SLC44A3: variants seen among roughly 807,000 people sequenced by gnomAD.
The protein encoded by SLC44A3 is solute carrier family 44 member 3, also known as choline transporter-like protein 3.
Under a neutral mutation model 75.4 loss-of-function variants are expected in SLC44A3, and 74 were observed. The ratio of observed to expected loss-of-function variants is 0.98; its 90% CI spans 0.81 to 1.19. SLC44A3 has a LOEUF of 1.19. SLC44A3 is among the 50% of genes most tolerant of loss of function. SLC44A3 has a pLI of 0.00. For missense variants in SLC44A3, 700 were observed against 778.6 expected (o/e 0.90, Z 1.20); for synonymous variants, 310 against 296.9 (o/e 1.04, Z -0.45).
intron 6 of SLC44A3, chr1:94,839,169 T>C (rs1189318411): frequency 6.6e-6 from 1 of 152,220 alleles, no homozygotes; most frequent in Non-Finnish European, 1.5e-5. Context: ...TACATACAGC[T>C]TATTTCATGG....
At chr1:94,842,715 GCCCTGGGGCGGAC>G (rs148603437) in intron 8 of SLC44A3, among the ~76,000 whole-genome samples, 3,764 of 152,278 alleles carry the variant, frequency 0.025, 179 homozygotes, top group African/African-American at 0.087. Flanking sequence ...AAATCACAAG[GCCCTGGGGCGGAC>G]CCCACACTGG....
chr1:94,861,768 A>G (rs1666605697), intron 10 of SLC44A3, among the ~76,000 whole-genome samples: 1 of 152,216 alleles, frequency 6.6e-6, no homozygotes, highest in African/African-American at 2.4e-5. Context: ...GTTCATACAA[A>G]TACCATCAGG....
At chr1:94,846,506 A>T (rs902509889) in intron 9 of SLC44A3, among the ~76,000 whole-genome samples, 9 of 152,196 alleles carry the variant, frequency 5.9e-5, no homozygotes, top group African/African-American at 2.2e-4. Context: ...TGCTTCCTTC[A>T]TTGAGAAAGT....
intron 12 of SLC44A3, among the ~76,000 whole-genome samples, chr1:94,868,234 G>A (rs1667380819): frequency 6.6e-6 from 1 of 152,062 alleles, no homozygotes; most frequent in Non-Finnish European, 1.5e-5. Context: ...TTGTAAGTTA[G>A]CAAACTGTTT....
chr1:94,894,843 T>TA lies in SLC44A3; in HGVS notation c.1886dup (p.Asn629LysfsTer15). Reference sequence around the variant, plus strand: ...AGTTTCGTAAAAAGGAGCAACAAATTAAACAATGCAAGGGCACAGCAGGAC... The same window carrying TA: ...AGTTTCGTAAAAAGGAGCAACAAATTAAAACAATGCAAGGGCACAGCAGGAC... On this transcript the variant is annotated frameshift_variant, in exon 15 of 15. Coordinates refer to ENST00000271227, the MANE Select transcript of SLC44A3 (RefSeq NM_001114106.3). LOFTEE classifies it low-confidence loss of function (END_TRUNC). 1 of 1,611,670 alleles carries TA rather than the reference T, an allele frequency of 6.2e-7. No homozygotes were observed. Among genetic ancestry groups the TA allele is most frequent in the Non-Finnish European group, 8.5e-7 (1 of 1,178,610 alleles).
intron 5 of SLC44A3, among the ~76,000 whole-genome samples, chr1:94,832,040 G>A (rs1227595852): frequency 2.6e-5 from 4 of 151,898 alleles, no homozygotes; most frequent in South Asian, 2.1e-4. Context: ...GATGGCAGGC[G>A]CCTGTAATCC....
At chr1:94,888,823 G>A (rs568107079) in intron 12 of SLC44A3, 551 of 568,270 alleles carry the variant, frequency 9.7e-4, no homozygotes, top group Non-Finnish European at 1.2e-3. Flanking sequence ...TCTGCTTCCC[G>A]GGTTCAAGCG....
chr1:94,866,197 T>C (rs1412298872), intron 11 of SLC44A3, among the ~76,000 whole-genome samples: 2 of 152,200 alleles, frequency 1.3e-5, no homozygotes, highest in Non-Finnish European at 2.9e-5. Context: ...TATGTGTGTG[T>C]GCGCATTGGT....
Position 94,827,570 on chromosome 1 carries a change from C to T in SLC44A3, c.342C>T (p.Ala114=), listed in dbSNP as rs746679504. The change falls in exon 4 of 15, where the codon GCC becomes GCT. Residue 114 remains alanine, a synonymous_variant. Coordinates refer to ENST00000271227, the MANE Select transcript of SLC44A3 (RefSeq NM_001114106.3). ...EVKGTQLNRM[A]LCVSNCPEEQ... ...AAGGTACGCAGCTCAACCGCATGGC[C>T]CTCTGTGTATCCAACTGCCCTGAAG... 4.3e-6 allele frequency: 7 copies of T among 1,614,200 alleles called. No individual in the cohort carries two copies. Among genetic ancestry groups the T allele is most frequent in the Non-Finnish European group, 5.1e-6 (6 of 1,180,032 alleles).
At chr1:94,878,183 C>T (rs1272387) in intron 12 of SLC44A3, among the ~76,000 whole-genome samples, 152 of 152,042 alleles carry the variant, frequency 1.0e-3, no homozygotes, top group Non-Finnish European at 1.7e-3. Context: ...TGCAGTGAGC[C>T]GAGATCGCAC....
intron 5 of SLC44A3, among the ~76,000 whole-genome samples, chr1:94,829,833 A>G (rs1321347329): frequency 6.6e-6 from 1 of 152,138 alleles, no homozygotes; most frequent in African/African-American, 2.4e-5. Flanking sequence ...CTTGTTTGGG[A>G]CTTACAGTAA....
rs143555609 is a variant in SLC44A3 at position 94,838,521 on chromosome 1, G to A, written c.670+650G>A. ...CAGGTGAATACACTCTGCCCCTTTA[G>A]ACAGTGGTAAGAGCCTATTGTCTCC... On this transcript the variant is annotated intron_variant, in intron 6 of 14. Coordinates refer to ENST00000271227, the MANE Select transcript of SLC44A3 (RefSeq NM_001114106.3). Among the ~76,000 whole-genome samples the A allele has an allele frequency of 2.6e-3, 395 of 152,340 alleles. 2 individuals carry two copies. Among genetic ancestry groups the A allele is most frequent in the African/African-American group, 9.1e-3 (379 of 41,590 alleles).
chr1:94,825,273 A>G lies in SLC44A3; in HGVS notation c.278+638A>G, dbSNP rs527932465. ...TCTAAGATGGAGACTGCCTTGTAAG[A>G]ATTTTTAAGATTTTAGCTCTTGCTT... On this transcript the variant is annotated intron_variant, in intron 3 of 14. Coordinates refer to ENST00000271227, the MANE Select transcript of SLC44A3 (RefSeq NM_001114106.3). Among the ~76,000 whole-genome samples, 18 of 152,248 alleles carry G rather than the reference A, an allele frequency of 1.2e-4. 1 individual carries two copies. The highest frequency in any genetic ancestry group is 6.5e-4 in the Admixed American group (10 of 15,286).
At chr1:94,888,842 G>T in intron 12 of SLC44A3, 1 of 331,530 alleles carries the variant, frequency 3.0e-6, no homozygotes, top group Non-Finnish European at 4.3e-6. Context: ...CGTTTCTCCT[G>T]CCTCAGCCTT....
At chr1:94,879,365 CTACTAAAAG>C (rs1181530526) in intron 12 of SLC44A3, among the ~76,000 whole-genome samples, 4 of 151,682 alleles carry the variant, frequency 2.6e-5, no homozygotes, top group Non-Finnish European at 5.9e-5. Flanking sequence ...AACCCCATCT[CTACTAAAAG>C]TACAAAAATT....
intron 2 of SLC44A3, among the ~76,000 whole-genome samples, chr1:94,823,189 A>G (rs967332997): frequency 2.6e-5 from 4 of 152,194 alleles, no homozygotes; most frequent in Non-Finnish European, 5.9e-5. Context: ...GCAGAAGCAC[A>G]TGACCCCTTT....
chr1:94,883,937 A>C (rs973502632), intron 12 of SLC44A3, among the ~76,000 whole-genome samples: 1 of 152,066 alleles, frequency 6.6e-6, no homozygotes, highest in Non-Finnish European at 1.5e-5. Flanking sequence ...ATATTCACAG[A>C]GGGGTGCTGG....
chr1:94,888,630 TG>T, intron 12 of SLC44A3: 1 of 982,712 alleles, frequency 1.0e-6, no homozygotes, highest in Non-Finnish European at 1.2e-6. Context: ...AAAATTTCCT[TG>T]TGGAACTTTC....
intron 7 of SLC44A3, among the ~76,000 whole-genome samples, chr1:94,840,710 T>A (rs1663511264): frequency 6.6e-6 from 1 of 152,212 alleles, no homozygotes; most frequent in African/African-American, 2.4e-5. Flanking sequence ...TTTAAAGGAT[T>A]TCTTCTGAAT....
Sources: allele counts gnomAD v4.1 joint callset (sites outside exome capture counted in the v4.1 genomes callset), GRCh38; gene constraint gnomAD v4.1.1; transcripts MANE v1.5; gene names NCBI Gene and HGNC (gene_info 2026-07-23, HGNC 2026-07-21).